The following MED28 variants were observed in gnomAD, a reference collection of about 807,000 sequenced individuals.
MED28 encodes mediator of RNA polymerase II transcription subunit 28.
A neutral mutation model predicts 21.3 loss-of-function variants in MED28; 26 were observed. That is an observed-to-expected ratio of 1.22 (90% CI 0.89 to 1.69). The LOEUF is 1.69. MED28 is among the 40% of genes most tolerant of loss of function. The pLI is 0.00. For missense variants in MED28, 257 were observed against 215.4 expected (o/e 1.19, Z -1.21); for synonymous variants, 110 against 87.6 (o/e 1.26, Z -1.43).
rs1205538609 is a variant in MED28 at position 17,626,002 on chromosome 4, T to A, written c.*2204T>A. On this transcript the variant is annotated 3_prime_UTR_variant, in exon 4 of 4. Transcript: ENST00000237380. ...CAGAATCAATATTGTTTTTCCCATTTTCACAGATGGATAATAAATCTGTAA... is the reference window on the plus strand; with the variant it reads ...CAGAATCAATATTGTTTTTCCCATTATCACAGATGGATAATAAATCTGTAA... The A allele has an allele frequency of 6.2e-6, 1 of 162,168 alleles. No individual in the cohort carries two copies. Among genetic ancestry groups the A allele is most frequent in the African/African-American group, 2.4e-5 (1 of 41,618 alleles). The allele number at this position is 162,168 out of a possible 1,614,324, so 10.0% of individuals were successfully genotyped here.
rs747212128 is a variant in MED28, at chr4:17,621,690, T to C, written c.330T>C (p.Val110=). The change falls in exon 3 of 4, where the codon GTT becomes GTC. Residue 110 remains valine, a synonymous_variant. Transcript: ENST00000237380. ...LQLSVQKPEQ[V]IKEDVSELRN... is the part of the protein sequence containing the mutation. ...TATCTGTCCAGAAACCAGAGCAAGT[T>C]ATCAAAGAGGTATGAACTCAGTTTT... 6.2e-7 allele frequency: 1 copy of C among 1,607,080 alleles called. No homozygotes were observed. The highest frequency in any genetic ancestry group is 1.1e-5 in the South Asian group (1 of 88,800).
intron 3 of MED28, 149 bp from the exon 4 acceptor site, chr4:17,623,452 T>G: frequency 1.5e-6 from 1 of 681,542 alleles, no homozygotes; most frequent in Non-Finnish European, 2.5e-6. Flanking sequence ...GTCATCTGGG[T>G]TAATCAAATA....
rs993302698 is a variant in MED28 at position 17,630,622 on chromosome 4, G to T, written c.*6824G>T. On this transcript the variant is annotated 3_prime_UTR_variant, in exon 4 of 4. Transcript: ENST00000237380. The stretch of plus-strand genomic sequence containing the variant: ...TGAACGAACTAAGACACTCTAAGCG[G>T]GAAACTCACAAAAAATATTTGGTAG... The T allele has an allele frequency of 9.2e-5, 14 of 152,146 alleles. No individual in the cohort carries two copies. The highest frequency in any genetic ancestry group is 3.1e-4 in the African/African-American group (13 of 41,438). The allele number at this position is 152,146 out of a possible 1,614,324, so 9.4% of individuals were successfully genotyped here. A position where few individuals can be genotyped will look rare whatever the true frequency, so the allele number is the denominator to read the frequency against.
rs1234140591 is a variant in MED28, at chr4:17,625,141, C to T, written c.*1343C>T. 6.5e-6 allele frequency: 1 copy of T among 152,830 alleles called. No homozygotes were observed. The highest frequency in any genetic ancestry group is 2.4e-5 in the African/African-American group (1 of 41,444). The allele number at this position is 152,830 out of a possible 1,614,324, so 9.5% of individuals were successfully genotyped here. On this transcript the variant is annotated 3_prime_UTR_variant, in exon 4 of 4. Transcript: ENST00000237380. Reference sequence around the variant, plus strand: ...TCCCCAGGGCACAGGACTTTGATCTCTTCTGTTGCCCTCGCTAGGTTCTCC... The same window carrying T: ...TCCCCAGGGCACAGGACTTTGATCTTTTCTGTTGCCCTCGCTAGGTTCTCC...
At chr4:17,617,071 G>C (rs1046656750) in intron 1 of MED28, among the ~76,000 whole-genome samples, 1 of 152,208 alleles carries the variant, frequency 6.6e-6, no homozygotes, top group Non-Finnish European at 1.5e-5. Flanking sequence ...AGCACATATA[G>C]GTGTGGACAT....
At chr4:17,620,024 C>A (rs1714570702) in intron 2 of MED28, 57 bp downstream of exon 2, 6 of 1,464,762 alleles carry the variant, frequency 4.1e-6, no homozygotes, top group Non-Finnish European at 5.7e-6. Flanking sequence ...TTCCTAGTTG[C>A]TAATTTTATA....
In MED28 at chr4:17,631,607, C is replaced by G. The variant is rs1036554640; in HGVS notation, c.*7809C>G. The G allele has an allele frequency of 6.6e-6, 1 of 152,138 alleles. No individual in the cohort carries two copies. The highest frequency in any genetic ancestry group is 2.4e-5 in the African/African-American group (1 of 41,408). 9.4% of individuals were successfully genotyped at this position (152,138 alleles called of 1,614,324 possible). A position where few individuals can be genotyped will look rare whatever the true frequency, so the allele number is the denominator to read the frequency against. On this transcript the variant is annotated 3_prime_UTR_variant, in exon 4 of 4. Coordinates refer to ENST00000237380, the MANE Select transcript of MED28 (RefSeq NM_025205.5). ...AACCTTGTGGTACTTAATTCCAATT[C>G]ATGTTAATTTATGTTATCTTGCTTA... is the stretch of plus-strand genomic sequence containing the variant.
intron 1 of MED28, among the ~76,000 whole-genome samples, chr4:17,615,145 G>A (rs1714412131): frequency 6.6e-6 from 1 of 152,208 alleles, no homozygotes; most frequent in Non-Finnish European, 1.5e-5. Context: ...AGAGGCTCAA[G>A]CCTTTTCGGA....
rs779822993 is a variant in MED28 at position 17,614,693 on chromosome 4, AC to A, written c.42del (p.Gly15ValfsTer46). On this transcript the variant is annotated frameshift_variant, in exon 1 of 4. Coordinates refer to ENST00000237380, the MANE Select transcript of MED28 (RefSeq NM_025205.5). LOFTEE classifies it high-confidence loss of function. ...TAGGGGGTATGTTTTCTGGGCAGCC[AC>A]CCGGTCCCCCTCAGGCCCCGCCGGG... ...PLGGMFSGQP[P>X]GPPQAPPGLP... 1 of 1,613,738 alleles carries A rather than the reference AC, an allele frequency of 6.2e-7. No homozygotes were observed. Among genetic ancestry groups the A allele is most frequent in the South Asian group, 1.1e-5 (1 of 91,070 alleles).
chr4:17,621,916 C>G (rs1714649027), intron 3 of MED28, among the ~76,000 whole-genome samples: 1 of 152,190 alleles, frequency 6.6e-6, no homozygotes, highest in South Asian at 2.1e-4. Flanking sequence ...CGGAACAGCT[C>G]TGATGTGACT....
chr4:17,621,667 T>C lies in MED28; in HGVS notation c.307T>C (p.Ser103Pro), dbSNP rs1480369965. The C allele has an allele frequency of 1.2e-6, 2 of 1,611,478 alleles. No homozygotes were observed. Among genetic ancestry groups the C allele is most frequent in the Non-Finnish European group, 1.7e-6 (2 of 1,179,422 alleles). ...CFFLQKRLQL[S>P]VQKPEQVIKE... ...TTTCTTACAAAAAAGATTGCAGTTA[T>C]CTGTCCAGAAACCAGAGCAAGTTAT... Residue 103 changes from serine (S) to proline (P), a missense_variant, in exon 3 of 4, where the codon TCT (serine) becomes CCT (proline). By Grantham distance (74) the Ser-to-Pro change is moderately conservative. Coordinates refer to ENST00000237380, the MANE Select transcript of MED28 (RefSeq NM_025205.5).
rs1431599944 is a variant in MED28 at position 17,629,891 on chromosome 4, TAAC to T, written c.*6096_*6098del. ...AACTTTCTGAATGGCAGTTTGGTAATAACAAACAAAAAGCTTAAGTTTGTGTCC... is the reference window on the plus strand; with the variant it reads ...AACTTTCTGAATGGCAGTTTGGTAATAAACAAAAAGCTTAAGTTTGTGTCC... On this transcript the variant is annotated 3_prime_UTR_variant, in exon 4 of 4. Coordinates refer to ENST00000237380, the MANE Select transcript of MED28 (RefSeq NM_025205.5). The T allele has an allele frequency of 6.6e-6, 1 of 152,208 alleles. No homozygotes were observed. Among genetic ancestry groups the T allele is most frequent in the Non-Finnish European group, 1.5e-5 (1 of 68,026 alleles). The allele number at this position is 152,208 out of a possible 1,614,324, so 9.4% of individuals were successfully genotyped here. A position where few individuals can be genotyped will look rare whatever the true frequency, so the allele number is the denominator to read the frequency against.
chr4:17,633,562 C>T lies in MED28; in HGVS notation c.*9764C>T, dbSNP rs1180810824. ...AGTTTTCAGGTAAGTGATTCAGTGT[C>T]CCTTGTCTAATCATCCATGAAAAAA... On this transcript the variant is annotated 3_prime_UTR_variant, in exon 4 of 4. Transcript: ENST00000237380. 1 of 844,252 alleles carries T rather than the reference C, an allele frequency of 1.2e-6. No individual in the cohort carries two copies. The highest frequency in any genetic ancestry group is 1.7e-6 in the Non-Finnish European group (1 of 572,434). 52.3% of individuals were successfully genotyped at this position (844,252 alleles called of 1,614,324 possible). A position where few individuals can be genotyped will look rare whatever the true frequency, so the allele number is the denominator to read the frequency against.
rs970042070 is a variant in MED28, at chr4:17,623,930, T to A, written c.*132T>A. On this transcript the variant is annotated 3_prime_UTR_variant, in exon 4 of 4. Coordinates refer to ENST00000237380, the MANE Select transcript of MED28 (RefSeq NM_025205.5). ...AGTTCATTTTAGTTTTATGCTCCCA[T>A]TGAAAAATTTTCCACTATTTTTATA... 4 of 999,754 alleles carry A rather than the reference T, an allele frequency of 4.0e-6. No homozygotes were observed. Among genetic ancestry groups the A allele is most frequent in the Middle Eastern group, 3.0e-4 (1 of 3,334 alleles). The allele number at this position is 999,754 out of a possible 1,614,324, so 61.9% of individuals were successfully genotyped here. A position where few individuals can be genotyped will look rare whatever the true frequency, so the allele number is the denominator to read the frequency against.
intron 3 of MED28, among the ~76,000 whole-genome samples, chr4:17,621,965 A>G (rs1373945759): frequency 6.6e-6 from 1 of 152,210 alleles, no homozygotes; most frequent in East Asian, 1.9e-4. Flanking sequence ...TTTTTCTTAA[A>G]AGATTCTGCC....
chr4:17,618,832 G>T (rs1051515933), intron 1 of MED28, among the ~76,000 whole-genome samples: 1 of 152,180 alleles, frequency 6.6e-6, no homozygotes, highest in Non-Finnish European at 1.5e-5. Flanking sequence ...GAGCCACCGT[G>T]CCCAGCCAGG....
chr4:17,623,119 G>T (rs1205677401), intron 3 of MED28, among the ~76,000 whole-genome samples: 1 of 152,126 alleles, frequency 6.6e-6, no homozygotes, highest in African/African-American at 2.4e-5. Flanking sequence ...AATAAACGTA[G>T]GCCGGGTGTG....
rs1475916529 is a variant in MED28, at chr4:17,632,839, T to C, written c.*9041T>C. ...CATTTGGAAAACAGAAGGTTCACCA[T>C]TGTTTGGTTCTCCATTGTTCCTTTG... On this transcript the variant is annotated 3_prime_UTR_variant, in exon 4 of 4. Coordinates refer to ENST00000237380, the MANE Select transcript of MED28 (RefSeq NM_025205.5). 6.8e-6 allele frequency: 3 copies of C among 440,306 alleles called. No homozygotes were observed. Among genetic ancestry groups the C allele is most frequent in the African/African-American group, 2.0e-5 (1 of 50,744 alleles). The allele number at this position is 440,306 out of a possible 1,614,324, so 27.3% of individuals were successfully genotyped here. A position where few individuals can be genotyped will look rare whatever the true frequency, so the allele number is the denominator to read the frequency against.
chr4:17,620,552 C>T (rs1004972981), intron 2 of MED28, among the ~76,000 whole-genome samples: 3 of 152,244 alleles, frequency 2.0e-5, no homozygotes, highest in East Asian at 1.9e-4. Flanking sequence ...AGGCTGGTGT[C>T]GAACTCCTGA....
Sources: allele counts gnomAD v4.1 joint callset (sites outside exome capture counted in the v4.1 genomes callset), GRCh38; gene constraint gnomAD v4.1.1; transcripts MANE v1.5; gene names NCBI Gene and HGNC (gene_info 2026-07-23, HGNC 2026-07-21).